Variants in TTC6 observed in about 807,000 individuals in gnomAD.
TTC6 encodes tetratricopeptide repeat protein 6.
In TTC6, 172 loss-of-function variants were observed where a neutral mutation model predicts 210.4. The ratio of observed to expected loss-of-function variants is 0.82; its 90% confidence interval spans 0.72 to 0.93. TTC6 has a LOEUF of 0.93. TTC6 is among the 40% of genes least tolerant of loss of function. The probability of loss-of-function intolerance (pLI) is 0.00; values close to 1 mark genes in which losing one functional copy is unlikely to be tolerated. For missense variants in TTC6, 2,414 were observed against 2,318.1 expected, an observed-to-expected ratio of 1.04 and a Z score of -0.85; for synonymous variants, 804 against 819.6, an observed-to-expected ratio of 0.98 and a Z score of 0.32.
At chr14:37,606,898 A>C (rs541353919) in intron 2 of TTC6, among the ~76,000 whole-genome samples, 156 bp downstream of exon 2, 306 of 152,326 alleles carry the variant, frequency 2.0e-3, no homozygotes, top group Non-Finnish European at 2.4e-3. Flanking sequence ...TGGGTCTAGC[A>C]GGAAAGCACA....
chr14:37,645,031 G>C (rs2095698949), intron 1 of TTC6, among the ~76,000 whole-genome samples: 1 of 152,126 alleles, frequency 6.6e-6, no homozygotes, highest in African/African-American at 2.4e-5. Context: ...AAGGTTCTTA[G>C]TACGTACTAC....
chr14:37,597,370 A>G (rs12587630), intron 1 of TTC6, among the ~76,000 whole-genome samples: 4,665 of 152,108 alleles, frequency 0.031, 183 homozygotes, highest in East Asian at 0.17. Flanking sequence ...ACCGAGCAAG[A>G]CTAGGTTATT....
intron 14 of TTC6, among the ~76,000 whole-genome samples, chr14:37,783,817 T>G (rs1371834259): frequency 1.3e-5 from 2 of 152,188 alleles, no homozygotes; most frequent in Non-Finnish European, 2.9e-5. Context: ...TCCCAGAGAT[T>G]CTGGGATTTT....
rs1293278405 is a variant in TTC6 at position 37,739,248 on chromosome 14, T to C, written c.2363+93T>C. 4 of 1,250,750 alleles carry C rather than the reference T, an allele frequency of 3.2e-6. No individual in the cohort carries two copies. The Admixed American group carries it at 8.7e-5, about 27-fold the overall frequency. 77.5% of individuals were successfully genotyped at this position (1,250,750 alleles called of 1,614,324 possible). On this transcript the variant is annotated intron_variant, in intron 10 of 30. Transcript: ENST00000553443. ...TCACCCCATGAAGTTATTATTTTAT[T>C]CTGCACTGAACATATGAACCTTTCA...
chr14:37,647,588 ATTTTAGACATG>A (rs1416809965), intron 1 of TTC6, among the ~76,000 whole-genome samples: 1 of 152,112 alleles, frequency 6.6e-6, no homozygotes. Context: ...TGTGAGGTTG[ATTTTAGACATG>A]TTAAGTTTGA....
intron 1 of TTC6, among the ~76,000 whole-genome samples, chr14:37,667,635 T>A (rs1207318829): frequency 6.6e-6 from 1 of 150,838 alleles, no homozygotes; most frequent in African/African-American, 2.4e-5. Context: ...TTTTTATTAA[T>A]CTTTTCTTTT....
chr14:37,753,083 C>A lies in TTC6; in HGVS notation c.3130-16C>A. On this transcript the variant is annotated splice_polypyrimidine_tract_variant and intron_variant, in intron 13 of 30. Coordinates refer to ENST00000553443, the Ensembl canonical transcript of TTC6. ...TTCATTTTGTGATGTTTATGTACCT[C>A]CCGCTGTCCCTATAGTGTATTTTTT... is the stretch of plus-strand genomic sequence containing the variant. The A allele has an allele frequency of 6.6e-7, 1 of 1,517,966 alleles. No individual in the cohort carries two copies. The highest frequency in any genetic ancestry group is 1.2e-5 in the South Asian group (1 of 81,636). The allele number at this position is 1,517,966 out of a possible 1,614,324, so 94.0% of individuals were successfully genotyped here. A position where few individuals can be genotyped will look rare whatever the true frequency, so the allele number is the denominator to read the frequency against.
chr14:37,787,153 A>G (rs1298389846), intron 14 of TTC6, among the ~76,000 whole-genome samples: 1 of 152,186 alleles, frequency 6.6e-6, no homozygotes, highest in African/African-American at 2.4e-5. Context: ...ATTTTTGGGA[A>G]TCAATAAATA....
chr14:37,678,690 T>C (rs997375765), intron 1 of TTC6, among the ~76,000 whole-genome samples: 1 of 152,196 alleles, frequency 6.6e-6, no homozygotes, highest in African/African-American at 2.4e-5. Context: ...TTGTTTCCAT[T>C]CTCTGTCATC....
intron 5 of TTC6, among the ~76,000 whole-genome samples, chr14:37,702,366 T>A (rs2138686877): frequency 6.6e-6 from 1 of 152,194 alleles, no homozygotes; most frequent in African/African-American, 2.4e-5. Flanking sequence ...CTGATTAAAT[T>A]TTAATATGCC....
At chr14:37,607,324 C>T (rs1383065960) in intron 2 of TTC6, among the ~76,000 whole-genome samples, 1 of 152,166 alleles carries the variant, frequency 6.6e-6, no homozygotes, top group Non-Finnish European at 1.5e-5. Flanking sequence ...TCTTTGGTTC[C>T]TCATCTCTAG....
At chr14:37,727,612 A>T (rs1211456461) in intron 7 of TTC6, among the ~76,000 whole-genome samples, 1 of 151,758 alleles carries the variant, frequency 6.6e-6, no homozygotes, top group Non-Finnish European at 1.5e-5. Flanking sequence ...TTTTGCTGAA[A>T]ACTTAATTAA....
In TTC6 at chr14:37,628,042, C is replaced by T. The variant is rs150880873; in HGVS notation, c.939+5039C>T. On this transcript the variant is annotated intron_variant, in intron 1 of 30. Transcript: ENST00000553443. ...CTGGAGTGCAATGGCATGATCTCAG[C>T]TCACTGCAACCTCCACCTCCCAGGT... Among the ~76,000 whole-genome samples the T allele has an allele frequency of 5.8e-3, 883 of 152,332 alleles. 12 individuals carry two copies. The highest frequency in any genetic ancestry group is 0.02 in the African/African-American group (830 of 41,568).
At chr14:37,841,509 G>C in exon 30 of TTC6, 1 of 1,598,384 alleles carries the variant, frequency 6.3e-7, no homozygotes, top group Non-Finnish European at 8.5e-7. Context: ...CTCATGAATC[G>C]AGCTATTACA....
At chr14:37,790,674 A>T in intron 15 of TTC6, 43 bp from the exon 18 acceptor site, 1 of 1,478,108 alleles carries the variant, frequency 6.8e-7, no homozygotes, top group Admixed American at 2.0e-5. Flanking sequence ...ACCTATGGTT[A>T]TTTTAGAACC....
chr14:37,728,482 G>A (rs1386828631), intron 7 of TTC6, among the ~76,000 whole-genome samples: 1 of 151,988 alleles, frequency 6.6e-6, no homozygotes, highest in African/African-American at 2.4e-5. Flanking sequence ...GTGATTAGAA[G>A]ATGTTTTGTC....
rs1036294467 is a variant in TTC6 at position 37,644,682 on chromosome 14, C to T, written c.939+21679C>T. Reference sequence around the variant, plus strand: ...CTCTTATGGCTCAAAGTGTTATTCACTCTTCCAGCAAAGTTTTTTGAGCAC... The same window carrying T: ...CTCTTATGGCTCAAAGTGTTATTCATTCTTCCAGCAAAGTTTTTTGAGCAC... On this transcript the variant is annotated intron_variant, in intron 1 of 30. Transcript: ENST00000553443. Among the ~76,000 whole-genome samples, 7 of 152,292 alleles carry T rather than the reference C, an allele frequency of 4.6e-5. No homozygotes were observed. The East Asian group carries it at 1.2e-3, about 25-fold the overall frequency.
intron 1 of TTC6, among the ~76,000 whole-genome samples, chr14:37,669,763 A>G (rs909107536): frequency 8.5e-5 from 13 of 152,162 alleles, no homozygotes; most frequent in African/African-American, 2.2e-4. Flanking sequence ...ATCACCTCAT[A>G]TAATTCCTTG....
chr14:37,736,984 C>T (rs904471239), intron 8 of TTC6, among the ~76,000 whole-genome samples: 2 of 152,046 alleles, frequency 1.3e-5, no homozygotes, highest in African/African-American at 4.8e-5. Flanking sequence ...CTCAAAACTC[C>T]TAGGCTTAAG....
Sources: gnomAD v4.1 joint callset for allele counts (sites outside exome capture counted in the v4.1 genomes callset) on GRCh38, gnomAD v4.1.1 for gene constraint, MANE v1.5 for transcripts, NCBI Gene and HGNC (gene_info 2026-07-23, HGNC 2026-07-21) for gene names.